CNTN4: variants seen among roughly 807,000 people sequenced by gnomAD.
The protein encoded by CNTN4 is contactin 4.
Under a neutral mutation model 122.5 loss-of-function variants are expected in CNTN4, and 77 were observed. That is an observed-to-expected ratio of 0.63 (90% CI 0.52 to 0.76). The LOEUF (loss-of-function observed/expected upper bound fraction) is 0.76, where lower values mean the gene tolerates loss of function less well. Ranked by LOEUF, CNTN4 falls within the 30% of genes least tolerant of loss-of-function variation. CNTN4 has a pLI of 0.00. For synonymous variants in CNTN4, 512 were observed against 447.0 expected (o/e 1.15, Z -1.83); for missense variants, 1,256 against 1,259.1 (o/e 1.00, Z 0.04).
intron 2 of CNTN4, among the ~76,000 whole-genome samples, chr3:2,282,061 A>G (rs771273545): frequency 2.6e-5 from 4 of 151,948 alleles, no homozygotes; most frequent in Non-Finnish European, 2.9e-5. Flanking sequence ...TTATTTTCCT[A>G]CACATTCCAG....
intron 2 of CNTN4, among the ~76,000 whole-genome samples, chr3:2,181,423 C>G (rs939966162): frequency 6.6e-6 from 1 of 152,024 alleles, no homozygotes. Context: ...TAGAACGTAT[C>G]AAACGCCAGT....
At chr3:2,340,708 T>G (rs189609977) in intron 3 of CNTN4, among the ~76,000 whole-genome samples, 5,750 of 23,380 alleles carry the variant, frequency 0.25, 610 homozygotes, top group East Asian at 0.55. Flanking sequence ...TATATATATA[T>G]ATAGAGAGAG....
chr3:2,628,661 G>C (rs2082300288), intron 4 of CNTN4, among the ~76,000 whole-genome samples: 1 of 152,086 alleles, frequency 6.6e-6, no homozygotes, highest in Non-Finnish European at 1.5e-5. Context: ...TCTCAATTTA[G>C]AAAGAAATCA....
chr3:2,550,586 A>C (rs933259086), intron 3 of CNTN4, among the ~76,000 whole-genome samples: 10 of 152,152 alleles, frequency 6.6e-5, no homozygotes, highest in Admixed American at 1.3e-4. Flanking sequence ...TTGACCCAGC[A>C]ACCCCATTAC....
chr3:2,666,595 T>TTTTTTTAA (rs1203272300), intron 4 of CNTN4, among the ~76,000 whole-genome samples: 4 of 151,210 alleles, frequency 2.6e-5, no homozygotes, highest in African/African-American at 9.7e-5. Flanking sequence ...TCTTTTTTTA[T>TTTTTTTAA]TTTTATTTTT....
At chr3:2,618,429 A>G (rs1327647890) in intron 4 of CNTN4, among the ~76,000 whole-genome samples, 5 of 152,170 alleles carry the variant, frequency 3.3e-5, no homozygotes, top group East Asian at 1.9e-4. Context: ...TAAATAAGCT[A>G]TATGTGGGAT....
chr3:2,334,564 G>A (rs1399269096), intron 2 of CNTN4, among the ~76,000 whole-genome samples: 3 of 80,128 alleles, frequency 3.7e-5, no homozygotes, highest in East Asian at 3.6e-3. Context: ...AGTTCATGCA[G>A]CAAATAACGT....
chr3:2,457,754 A>C (rs1015778492), intron 3 of CNTN4, among the ~76,000 whole-genome samples: 13 of 152,172 alleles, frequency 8.5e-5, no homozygotes, highest in African/African-American at 2.9e-4. Context: ...TAAATGCAGA[A>C]ATTTCCATGT....
intron 23 of CNTN4, among the ~76,000 whole-genome samples, chr3:3,049,673 A>G (rs1397680081): frequency 6.6e-6 from 1 of 152,188 alleles, no homozygotes; most frequent in Non-Finnish European, 1.5e-5. Flanking sequence ...GAGATGTATT[A>G]TTTTATAGAA....
Position 2,841,493 on chromosome 3 carries a change from C to T in CNTN4, c.454+21912C>T, listed in dbSNP as rs537680538. Among the ~76,000 whole-genome samples the T allele has an allele frequency of 3.3e-5, 5 of 152,076 alleles. No individual in the cohort carries two copies. Among genetic ancestry groups the T allele is most frequent in the South Asian group, 2.1e-4 (1 of 4,810 alleles). ...TAATTATCTACAGATTTATGAAGAC[C>T]GAGTCAAGGGTTCCATTTGTAGCCA... On this transcript the variant is annotated intron_variant, in intron 7 of 24. Coordinates refer to ENST00000418658, the MANE Select transcript of CNTN4 (RefSeq NM_175607.3). This position sits in a 1 kb window ranked among gnomAD's most constrained non-coding sequence, Gnocchi z 4.8.
At chr3:2,748,065 T>G (rs144319012) in intron 6 of CNTN4, among the ~76,000 whole-genome samples, 9 of 152,340 alleles carry the variant, frequency 5.9e-5, no homozygotes, top group African/African-American at 2.2e-4. Flanking sequence ...TTATGTTAAT[T>G]CATCTATTGC....
rs181922102 is a variant in CNTN4, at chr3:2,354,375, G to T, written c.-89+15142G>T. ...GCGAAACCCCATCTCTACTAAAAGT[G>T]GAAAAATTAGCCAGGTGTGGTGGCA... On this transcript the variant is annotated intron_variant, in intron 3 of 24. Coordinates refer to ENST00000418658, the MANE Select transcript of CNTN4 (RefSeq NM_175607.3). Among the ~76,000 whole-genome samples, 1,020 of 152,012 alleles carry T rather than the reference G, an allele frequency of 6.7e-3. 13 individuals carry two copies. Among genetic ancestry groups the T allele is most frequent in the Non-Finnish European group, 6.9e-3 (472 of 67,936 alleles).
intron 4 of CNTN4, among the ~76,000 whole-genome samples, chr3:2,641,555 TTC>T (rs2082895558): frequency 6.6e-6 from 1 of 152,164 alleles, no homozygotes; most frequent in Non-Finnish European, 1.5e-5. Flanking sequence ...TCCCAACATT[TTC>T]TGTCTTATTG....
At chr3:2,374,173 A>G (rs2045734663) in intron 3 of CNTN4, among the ~76,000 whole-genome samples, 1 of 152,152 alleles carries the variant, frequency 6.6e-6, no homozygotes, top group Non-Finnish European at 1.5e-5. Flanking sequence ...ATATGCATGG[A>G]CATTTATTTA....
intron 8 of CNTN4, among the ~76,000 whole-genome samples, chr3:2,867,352 T>G (rs1252339123): frequency 6.6e-6 from 1 of 152,204 alleles, no homozygotes; most frequent in Non-Finnish European, 1.5e-5. Context: ...GGATGTACAG[T>G]ACTGAACGCA....
At chr3:2,840,620 AC>A (rs1364662831) in intron 7 of CNTN4, among the ~76,000 whole-genome samples, 1 of 129,772 alleles carries the variant, frequency 7.7e-6, no homozygotes, top group Non-Finnish European at 1.7e-5. Context: ...AATGGCGGGA[AC>A]CCGGGAGGCG....
intron 2 of CNTN4, among the ~76,000 whole-genome samples, chr3:2,191,350 A>C (rs1195285897): frequency 6.6e-6 from 1 of 151,962 alleles, no homozygotes; most frequent in Non-Finnish European, 1.5e-5. Flanking sequence ...GGAAACCATT[A>C]CTGATCAGTA....
intron 4 of CNTN4, among the ~76,000 whole-genome samples, chr3:2,617,284 C>G (rs1313568633): frequency 2.0e-5 from 3 of 151,798 alleles, no homozygotes; most frequent in Non-Finnish European, 4.4e-5. Flanking sequence ...GGAACTTGAA[C>G]AAATTTTCAA....
intron 3 of CNTN4, among the ~76,000 whole-genome samples, chr3:2,456,887 T>A (rs1260960009): frequency 1.3e-5 from 2 of 152,100 alleles, no homozygotes; most frequent in Non-Finnish European, 2.9e-5. Context: ...GCTACATCTG[T>A]TTTTGGCATT....
Sources: gnomAD v4.1 joint callset for allele counts (sites outside exome capture counted in the v4.1 genomes callset) on GRCh38, gnomAD v4.1.1 for gene constraint, Gnocchi (gnomAD v3.1) non-coding constraint, MANE v1.5 for transcripts, NCBI Gene and HGNC (gene_info 2026-07-23, HGNC 2026-07-21) for gene names.